The following SBK1 variants were observed in gnomAD, a reference collection of about 807,000 sequenced individuals.
The protein encoded by SBK1 is SH3 domain binding kinase 1.
A neutral mutation model predicts 24.4 loss-of-function variants in SBK1; 11 were observed. That is an observed-to-expected ratio of 0.45 (90% CI 0.28 to 0.75). The LOEUF (loss-of-function observed/expected upper bound fraction) is 0.75, where lower values mean the gene tolerates loss of function less well. Among genes scored for constraint, SBK1 ranks in the 30% least tolerant of loss-of-function variants. The pLI, the probability that SBK1 is intolerant of heterozygous loss-of-function variation, is 0.12. For synonymous variants in SBK1, 308 were observed against 284.4 expected (o/e 1.08, Z -0.83); for missense variants, 467 against 620.5 (o/e 0.75, Z 2.63).
intron 1 of SBK1, among the ~76,000 whole-genome samples, chr16:28,277,826 C>T (rs566514349): frequency 1.3e-5 from 2 of 152,212 alleles, no homozygotes; most frequent in Admixed American, 1.3e-4. Context: ...GAGCGCGCGC[C>T]GCGGTCCCTC....
At chr16:28,304,940 C>T (rs1257479017) in intron 1 of SBK1, among the ~76,000 whole-genome samples, 1 of 151,768 alleles carries the variant, frequency 6.6e-6, no homozygotes, top group African/African-American at 2.4e-5. Context: ...GACGGTGTCT[C>T]ACTCTGTTAC....
chr16:28,319,251 T>A lies in SBK1; in HGVS notation c.429+54T>A. ...AAAGGGTCTTCAGGGTCCCAGAGTG[T>A]GAGAGTGGGAGTGGAGTCAGACCAT... On this transcript the variant is annotated intron_variant, in intron 3 of 3. Coordinates refer to ENST00000341901, the MANE Select transcript of SBK1 (RefSeq NM_001024401.3). This position sits in a 1 kb window ranked among gnomAD's most constrained non-coding sequence, Gnocchi z 4.0. 3 of 1,388,932 alleles carry A rather than the reference T, an allele frequency of 2.2e-6. No homozygotes were observed. Among genetic ancestry groups the A allele is most frequent in the Non-Finnish European group, 1.0e-6 (1 of 976,912 alleles). The allele number at this position is 1,388,932 out of a possible 1,614,324, so 86.0% of individuals were successfully genotyped here. A position where few individuals can be genotyped will look rare whatever the true frequency, so the allele number is the denominator to read the frequency against.
rs1454964379 is a variant in SBK1, at chr16:28,280,129, ATATATATATATATATATATATGTGTGTG to A, written c.257+20629_257+20656del. 7.5e-3 allele frequency among the ~76,000 whole-genome samples: 493 copies of A among 66,128 alleles called. 13 individuals carry two copies. The highest frequency in any genetic ancestry group is 0.022 in the African/African-American group (478 of 21,682). 43.4% of individuals were successfully genotyped at this position (66,128 alleles called of 152,430 possible). The stretch of plus-strand genomic sequence containing the variant: ...TTTGAAAAAAACTATATATATATAT[ATATATATATATATATATATATGTGTGTG>A]TGTGTGTGTGTGTGTATGTATATAT... On this transcript the variant is annotated intron_variant, in intron 1 of 3. Transcript: ENST00000671413.
intron 1 of SBK1, among the ~76,000 whole-genome samples, chr16:28,261,594 C>T (rs1018222181): frequency 6.6e-6 from 1 of 152,172 alleles, no homozygotes; most frequent in Non-Finnish European, 1.5e-5. Context: ...CACGCCCCTG[C>T]ACTCCAGCCT....
chr16:28,293,597 C>G (rs571382847), intron 1 of SBK1, among the ~76,000 whole-genome samples: 17 of 152,068 alleles, frequency 1.1e-4, no homozygotes, highest in African/African-American at 1.9e-4. Flanking sequence ...GAGTCCCCCC[C>G]CAAAAGCTGC....
intron 1 of SBK1, among the ~76,000 whole-genome samples, chr16:28,272,309 G>A (rs1267945323): frequency 6.6e-6 from 1 of 151,968 alleles, no homozygotes; most frequent in East Asian, 1.9e-4. Flanking sequence ...GGCTCAAGTG[G>A]TCCTCTAGCC....
intron 1 of SBK1, among the ~76,000 whole-genome samples, chr16:28,313,924 G>A (rs1205682321): frequency 1.3e-5 from 2 of 152,070 alleles, no homozygotes; most frequent in African/African-American, 4.8e-5. Flanking sequence ...GGCTCATGGA[G>A]TGCTCACCCC....
At chr16:28,296,219 G>A (rs1422140866) in intron 1 of SBK1, among the ~76,000 whole-genome samples, 1 of 150,994 alleles carries the variant, frequency 6.6e-6, no homozygotes, top group East Asian at 1.9e-4. Flanking sequence ...TCAGCCTCCC[G>A]AGTAGCTGGG....
rs931974756 is a variant in SBK1 at position 28,323,103 on chromosome 16, C to G, written c.*2182C>G. 31 of 146,364 alleles carry G rather than the reference C, an allele frequency of 2.1e-4. No individual in the cohort carries two copies. The highest frequency in any genetic ancestry group is 7.7e-4 in the African/African-American group (30 of 39,080). The allele number at this position is 146,364 out of a possible 1,614,324, so 9.1% of individuals were successfully genotyped here. On this transcript the variant is annotated 3_prime_UTR_variant, in exon 4 of 4. Coordinates refer to ENST00000341901, the MANE Select transcript of SBK1 (RefSeq NM_001024401.3). The stretch of plus-strand genomic sequence containing the variant: ...GTTATGTAGCCCAGCCCCCTCATTC[C>G]CAGAGGCACCCAGAGGGCCAGCCTC...
chr16:28,283,579 G>C (rs2044546697), intron 1 of SBK1, among the ~76,000 whole-genome samples: 3 of 152,116 alleles, frequency 2.0e-5, no homozygotes, highest in African/African-American at 7.2e-5. Flanking sequence ...AAGGCCATGG[G>C]GGTGTTATAC....
intron 1 of SBK1, among the ~76,000 whole-genome samples, chr16:28,307,172 T>C (rs1364986482): frequency 6.6e-6 from 1 of 150,638 alleles, no homozygotes; most frequent in South Asian, 2.1e-4. Context: ...GGGAGGAGAG[T>C]GATGATAAAT....
intron 1 of SBK1, among the ~76,000 whole-genome samples, chr16:28,273,130 C>T (rs532294876): frequency 1.3e-5 from 2 of 151,610 alleles, no homozygotes; most frequent in African/African-American, 4.8e-5. Context: ...AGGCTGGTCT[C>T]GAACTCATGG....
At chr16:28,279,525 T>C (rs2044516542) in intron 1 of SBK1, among the ~76,000 whole-genome samples, 1 of 151,902 alleles carries the variant, frequency 6.6e-6, no homozygotes, top group African/African-American at 2.4e-5. Flanking sequence ...ACGTTTAAAT[T>C]TCTCTGGGTC....
intron 1 of SBK1, among the ~76,000 whole-genome samples, chr16:28,309,180 C>T (rs1324544182): frequency 1.3e-5 from 2 of 152,136 alleles, no homozygotes. Context: ...GTTTTGGAGT[C>T]CTCTGCATCA....
At position 28,321,204 on chromosome 16, in the gene SBK1, CACACACACACACACACACA is replaced by C; in HGVS notation, c.*284_*302del. On this transcript the variant is annotated 3_prime_UTR_variant, in exon 4 of 4. Transcript: ENST00000341901. ...CACAACACACACACACACACACACA[CACACACACACACACACACA>C]CACACACACACACACGCCAGGAGCA... The C allele has an allele frequency of 1.1e-5, 2 of 174,288 alleles. No individual in the cohort carries two copies. The highest frequency in any genetic ancestry group is 2.4e-5 in the Non-Finnish European group (2 of 83,736). 10.8% of individuals were successfully genotyped at this position (174,288 alleles called of 1,614,324 possible). A position where few individuals can be genotyped will look rare whatever the true frequency, so the allele number is the denominator to read the frequency against.
At chr16:28,298,213 G>A (rs145533748) in intron 1 of SBK1, among the ~76,000 whole-genome samples, 262 of 152,258 alleles carry the variant, frequency 1.7e-3, no homozygotes, top group African/African-American at 4.3e-3. Context: ...CCCTCCCATC[G>A]CCCCACAATT....
intron 1 of SBK1, among the ~76,000 whole-genome samples, chr16:28,314,374 C>G (rs2044777394): frequency 1.4e-5 from 2 of 139,030 alleles, no homozygotes; most frequent in Non-Finnish European, 3.0e-5. Context: ...TCAGGCCGGT[C>G]TCACACTCCT....
chr16:28,294,165 CGTACCCCAGCCT>C (rs1381139371), intron 1 of SBK1, among the ~76,000 whole-genome samples: 1 of 152,106 alleles, frequency 6.6e-6, no homozygotes, highest in Non-Finnish European at 1.5e-5. Context: ...TACACACGGC[CGTACCCCAGCCT>C]GGCCCTCAGT....
intron 1 of SBK1, among the ~76,000 whole-genome samples, chr16:28,266,343 G>T (rs2044428171): frequency 6.6e-6 from 1 of 152,032 alleles, no homozygotes; most frequent in Non-Finnish European, 1.5e-5. Flanking sequence ...CTCAACCCTA[G>T]GTGACAAAGG....
Sources: gnomAD v4.1 joint callset for allele counts (sites outside exome capture counted in the v4.1 genomes callset) on GRCh38, gnomAD v4.1.1 for gene constraint, Gnocchi (gnomAD v3.1) non-coding constraint, MANE v1.5 for transcripts, NCBI Gene and HGNC (gene_info 2026-07-23, HGNC 2026-07-21) for gene names.